ARHGAP23: variants seen among roughly 807,000 people sequenced by gnomAD.
ARHGAP23 encodes rho GTPase-activating protein 23.
ARHGAP23 carries 34 observed loss-of-function variants against 136.3 expected under a neutral mutation model. The observed-to-expected ratio is 0.25, with a 90% CI of 0.19 to 0.33. The LOEUF is 0.33. ARHGAP23 is among the 10% of genes least tolerant of loss of function. ARHGAP23 has a pLI of 1.00. For synonymous variants in ARHGAP23, 832 were observed against 920.5 expected (o/e 0.90, Z 1.74); for missense variants, 1,808 against 2,139.0 (o/e 0.85, Z 3.05).
intron 20 of ARHGAP23, among the ~76,000 whole-genome samples, chr17:38,493,349 C>T (rs567651627): frequency 5.3e-5 from 8 of 152,104 alleles, no homozygotes; most frequent in African/African-American, 1.9e-4. Context: ...CACCACACCA[C>T]CTGGCTAATT....
intron 3 of ARHGAP23, among the ~76,000 whole-genome samples, chr17:38,462,101 C>T (rs1284268958): frequency 1.3e-4 from 19 of 151,638 alleles, no homozygotes; most frequent in African/African-American, 3.1e-4. Context: ...TACAGGTGCC[C>T]GCCACCGCGC....
chr17:38,427,929 T>G (rs1325697619), upstream of ARHGAP23, among the ~76,000 whole-genome samples: 2 of 152,284 alleles, frequency 1.3e-5, no homozygotes, highest in East Asian at 3.9e-4. Flanking sequence ...CCTTTTTCTG[T>G]CTTCCCCCCT....
chr17:38,429,455 C>A (rs1024943110), intron 1 of ARHGAP23, among the ~76,000 whole-genome samples: 1 of 152,232 alleles, frequency 6.6e-6, no homozygotes, highest in Admixed American at 6.5e-5. Flanking sequence ...AGAAATTCCC[C>A]GGGGTCCAGG....
chr17:38,487,765 G>C (rs1008130251), intron 17 of ARHGAP23, among the ~76,000 whole-genome samples: 1 of 151,984 alleles, frequency 6.6e-6, no homozygotes, highest in Non-Finnish European at 1.5e-5. Context: ...TAGGGAGGCC[G>C]AGACAGGAGA....
At chr17:38,507,090 A>G (rs1052613301) in intron 23 of ARHGAP23, among the ~76,000 whole-genome samples, 9 of 152,106 alleles carry the variant, frequency 5.9e-5, no homozygotes, top group Non-Finnish European at 1.3e-4. Flanking sequence ...CCTAGCCAAC[A>G]TGGTGAAACC....
intron 23 of ARHGAP23, among the ~76,000 whole-genome samples, chr17:38,503,186 G>C (rs1288228111): frequency 1.3e-5 from 2 of 152,226 alleles, no homozygotes; most frequent in South Asian, 4.1e-4. Flanking sequence ...TGTGCTCCTA[G>C]CAGATGCATC....
At chr17:38,422,982 G>C (rs2038533853) in intron 1 of ARHGAP23, among the ~76,000 whole-genome samples, 1 of 152,090 alleles carries the variant, frequency 6.6e-6, no homozygotes, top group Non-Finnish European at 1.5e-5. Context: ...AGGGCTTTGA[G>C]GTCTAGGACA....
chr17:38,506,338 C>T (rs1214930431), intron 23 of ARHGAP23, among the ~76,000 whole-genome samples: 3 of 152,190 alleles, frequency 2.0e-5, no homozygotes, highest in South Asian at 4.1e-4. Context: ...AGCAAGTCGC[C>T]TGCTCCAGAG....
intron 22 of ARHGAP23, among the ~76,000 whole-genome samples, chr17:38,499,125 T>C (rs2040463593): frequency 6.6e-6 from 1 of 152,128 alleles, no homozygotes; most frequent in Admixed American, 6.5e-5. Context: ...CCTCCCATTC[T>C]AAAGCCCCTT....
rs1180230532 is a variant in ARHGAP23 at position 38,510,307 on chromosome 17, G to A, written c.3811G>A (p.Ala1271Thr). The change falls in exon 24 of 24, where the codon GCG (alanine) becomes ACG (threonine). Residue 1271 changes from alanine to threonine, a missense_variant. Ala to Thr is a moderately conservative substitution (Grantham distance 58). Coordinates refer to ENST00000622683, the MANE Select transcript of ARHGAP23 (RefSeq NM_001199417.2). The surrounding 1 kb of genome is among the most constrained non-coding windows in gnomAD (Gnocchi z 4.6). ...GGGCGCTAGCGGTCGGCGGGCAGGG[G>A]CGGGGGATGAGGCGGACGACGAGCG... Reference protein sequence around the residue: ...CSGASGRRAGAGDEADDERSE... With the variant: ...CSGASGRRAGTGDEADDERSE... 1 of 1,281,540 alleles carries A rather than the reference G, an allele frequency of 7.8e-7. No homozygotes were observed. The highest frequency in any genetic ancestry group is 9.9e-7 in the Non-Finnish European group (1 of 1,015,102). 79.4% of individuals were successfully genotyped at this position (1,281,540 alleles called of 1,614,324 possible).
intron 20 of ARHGAP23, among the ~76,000 whole-genome samples, chr17:38,493,193 G>C (rs893071906): frequency 7.4e-6 from 1 of 135,164 alleles, no homozygotes; most frequent in Non-Finnish European, 1.6e-5. Context: ...CTCTCTTTTC[G>C]CTTTTTTTTT....
intron 1 of ARHGAP23, 182 bp from the exon 2 acceptor site, chr17:38,457,920 A>T (rs1174431714): frequency 3.1e-6 from 2 of 651,662 alleles, no homozygotes; most frequent in Admixed American, 3.0e-5. Flanking sequence ...TATTGGGCTG[A>T]TGAAGGTGGG....
chr17:38,434,358 C>T (rs1457283527), intron 1 of ARHGAP23, among the ~76,000 whole-genome samples: 1 of 152,240 alleles, frequency 6.6e-6, no homozygotes, highest in African/African-American at 2.4e-5. Flanking sequence ...GGGCCTTTGT[C>T]CCCAACCGCT....
intron 1 of ARHGAP23, chr17:38,452,199 C>G (rs1035401121): frequency 2.0e-5 from 3 of 152,756 alleles, no homozygotes; most frequent in Admixed American, 6.5e-5. Flanking sequence ...CTTCCCGTCC[C>G]TTTGCTTCTC....
intron 1 of ARHGAP23, among the ~76,000 whole-genome samples, chr17:38,448,496 A>G (rs999170745): frequency 6.6e-6 from 1 of 152,144 alleles, no homozygotes; most frequent in African/African-American, 2.4e-5. Context: ...ATTGATGAGG[A>G]ACCAAGGCTT....
chr17:38,428,429 G>C (rs2144472427), upstream of ARHGAP23: 4 of 1,043,392 alleles, frequency 3.8e-6, no homozygotes, highest in African/African-American at 1.7e-5. Flanking sequence ...CGCCCCTCCC[G>C]GGTCCCTGCC....
chr17:38,452,608 C>T (rs2039202925), intron 1 of ARHGAP23, among the ~76,000 whole-genome samples: 1 of 152,126 alleles, frequency 6.6e-6, no homozygotes, highest in Non-Finnish European at 1.5e-5. Context: ...TCCTCTTGGA[C>T]CTCAGTTTCC....
At chr17:38,431,089 C>G (rs1350871809) in intron 1 of ARHGAP23, among the ~76,000 whole-genome samples, 2 of 152,160 alleles carry the variant, frequency 1.3e-5, no homozygotes, top group African/African-American at 4.8e-5. Flanking sequence ...CAGTCTGGCT[C>G]TAGAGTCTGG....
intron 1 of ARHGAP23, chr17:38,453,725 A>G (rs1391485755): frequency 6.7e-6 from 1 of 148,622 alleles, no homozygotes; most frequent in Non-Finnish European, 1.5e-5. Flanking sequence ...CGCGGAGCCA[A>G]TCCAGCCGTC....
Sources: gnomAD v4.1 joint callset for allele counts (sites outside exome capture counted in the v4.1 genomes callset) on GRCh38, gnomAD v4.1.1 for gene constraint, Gnocchi (gnomAD v3.1) non-coding constraint, MANE v1.5 for transcripts, NCBI Gene and HGNC (gene_info 2026-07-23, HGNC 2026-07-21) for gene names.